The following VPS53 variants were observed in gnomAD, a reference collection of about 807,000 sequenced individuals.
VPS53 encodes the protein vacuolar protein sorting-associated protein 53 homolog.
Under a neutral mutation model 107.0 loss-of-function variants are expected in VPS53, and 70 were observed. That is an observed-to-expected ratio of 0.65 (90% confidence interval 0.54 to 0.80). VPS53 has a LOEUF of 0.80. Ranked by LOEUF, VPS53 falls within the 30% of genes least tolerant of loss-of-function variation. The pLI, the probability that VPS53 is intolerant of heterozygous loss-of-function variation, is 0.00. For synonymous variants in VPS53, 409 were observed against 393.3 expected (o/e 1.04, Z -0.47); for missense variants, 917 against 1,049.4 (o/e 0.87, Z 1.74).
chr17:516,848 GACC>G lies in VPS53; in HGVS notation c.*2277_*2279del, dbSNP rs1340905339. The stretch of plus-strand genomic sequence containing the variant: ...TCAAGACAGCAACTTCCCTGGCTGT[GACC>G]ACCAACTGTGGAAAACAGCAGCTTG... On this transcript the variant is annotated 3_prime_UTR_variant, in exon 22 of 22. Coordinates refer to ENST00000437048, the MANE Select transcript of VPS53 (RefSeq NM_001128159.3). 1 of 152,284 alleles carries G rather than the reference GACC, an allele frequency of 6.6e-6. No individual in the cohort carries two copies. The highest frequency in any genetic ancestry group is 6.5e-5 in the Admixed American group (1 of 15,288). 9.4% of individuals were successfully genotyped at this position (152,284 alleles called of 1,614,324 possible). A position where few individuals can be genotyped will look rare whatever the true frequency, so the allele number is the denominator to read the frequency against.
intron 4 of VPS53, among the ~76,000 whole-genome samples, chr17:690,440 C>T (rs754713778): frequency 3.9e-5 from 6 of 152,196 alleles, no homozygotes; most frequent in Non-Finnish European, 8.8e-5. Flanking sequence ...TCCGGATTTC[C>T]GGCTGCTCTT....
intron 12 of VPS53, among the ~76,000 whole-genome samples, chr17:589,108 T>C (rs1967497338): frequency 6.6e-6 from 1 of 151,900 alleles, no homozygotes; most frequent in Non-Finnish European, 1.5e-5. Flanking sequence ...TTTCTTCTTT[T>C]GAAGAAAATA....
Position 627,304 on chromosome 17 carries a change from C to A in VPS53, c.844G>T (p.Asp282Tyr). The A allele has an allele frequency of 6.2e-7, 1 of 1,613,332 alleles. No homozygotes were observed. Among genetic ancestry groups the A allele is most frequent in the Non-Finnish European group, 8.5e-7 (1 of 1,179,722 alleles). Residue 282 changes from aspartate to tyrosine, a missense_variant, in exon 10 of 22, where the codon GAC becomes TAC. By Grantham distance (160) the Asp-to-Tyr change is radical. Coordinates refer to ENST00000437048, the MANE Select transcript of VPS53 (RefSeq NM_001128159.3). ...CAGGCATAGCGTCTGTCGATTTTGT[C>A]CAGCCAGGCAACCTGGTGAAGGTGG... ...FQENQDVAWL[D>Y]KIDRRYAWIK...
chr17:623,457 A>AC, intron 11 of VPS53, 76 bp downstream of exon 11: 1 of 1,528,004 alleles, frequency 6.5e-7, no homozygotes, highest in Non-Finnish European at 8.9e-7. Flanking sequence ...GGATAGAGTC[A>AC]CCATACAGTG....
intron 15 of VPS53, among the ~76,000 whole-genome samples, chr17:556,595 T>C (rs1912378310): frequency 6.6e-6 from 1 of 152,182 alleles, no homozygotes; most frequent in South Asian, 2.1e-4. Context: ...GCCACAGTGT[T>C]GAGAGGTATG....
In VPS53 at chr17:532,842, C is replaced by A. The variant is rs376217426; in HGVS notation, c.2085G>T (p.Gln695His). Residue 695 changes from glutamine to histidine, a missense_variant and splice_region_variant, in exon 19 of 22, where the codon CAG becomes CAT. Coordinates refer to ENST00000437048, the MANE Select transcript of VPS53 (RefSeq NM_001128159.3). ...ATGCCTGATACTACGTCCATCTCAC[C>A]TGTTCTGCTCCCACCATGCTAATTG... ...CKPISMVGAE[Q>H]LLLDTHSLKM... 3 of 1,613,884 alleles carry A rather than the reference C, an allele frequency of 1.9e-6. No homozygotes were observed. The highest frequency in any genetic ancestry group is 2.5e-6 in the Non-Finnish European group (3 of 1,179,944).
intron 13 of VPS53, among the ~76,000 whole-genome samples, chr17:565,922 G>A (rs568936967): frequency 1.3e-5 from 2 of 152,284 alleles, no homozygotes; most frequent in South Asian, 2.1e-4. Flanking sequence ...AGAAATAACC[G>A]GCCGGGCGCG....
chr17:525,729 G>A (rs927176068), intron 19 of VPS53, among the ~76,000 whole-genome samples: 1 of 151,402 alleles, frequency 6.6e-6, no homozygotes, highest in African/African-American at 2.4e-5. Context: ...CAGGCGCGGT[G>A]TCTCATGCCT....
At chr17:646,123 C>T (rs1475632585) in intron 7 of VPS53, among the ~76,000 whole-genome samples, 3 of 119,898 alleles carry the variant, frequency 2.5e-5, no homozygotes, top group African/African-American at 8.6e-5. Flanking sequence ...ACACACATCT[C>T]GGTGACCGCG....
chr17:634,052 G>A (rs1011357061), intron 7 of VPS53, among the ~76,000 whole-genome samples: 1 of 152,182 alleles, frequency 6.6e-6, no homozygotes, highest in African/African-American at 2.4e-5. Flanking sequence ...GGGAAGTCCA[G>A]CCGCTAGCCA....
rs71145747 is a variant in VPS53 at position 531,773 on chromosome 17, C to CTTTTT, written c.2085+1064_2085+1068dup. Among the ~76,000 whole-genome samples, 158 of 86,674 alleles carry CTTTTT rather than the reference C, an allele frequency of 1.8e-3. 3 individuals are homozygous for CTTTTT. Among genetic ancestry groups the CTTTTT allele is most frequent in the Non-Finnish European group, 2.4e-3 (119 of 48,670 alleles). 56.9% of individuals were successfully genotyped at this position (86,674 alleles called of 152,430 possible). ...CAGCCTCCCATCACTGGGATTTATT[C>CTTTTT]TTTTTTTTTTTTTTTTTTTTTGAGA... On this transcript the variant is annotated intron_variant, in intron 19 of 21. Coordinates refer to ENST00000437048, the MANE Select transcript of VPS53 (RefSeq NM_001128159.3).
rs137927873 is a variant in VPS53, at chr17:609,722, G to A, written c.1117-7826C>T. Among the ~76,000 whole-genome samples, 58 of 152,294 alleles carry A rather than the reference G, an allele frequency of 3.8e-4. No homozygotes were observed. The East Asian group carries it at 9.7e-3, about 25-fold the overall frequency. On this transcript the variant is annotated intron_variant, in intron 11 of 21. Coordinates refer to ENST00000437048, the MANE Select transcript of VPS53 (RefSeq NM_001128159.3). ...ATTGAAAGTGCTCACAACTTGAGCC[G>A]ATAATTCCACTAGTGTCGTAAGAAA...
intron 11 of VPS53, chr17:616,744 G>A (rs902443856): frequency 6.6e-6 from 1 of 152,320 alleles, no homozygotes; most frequent in Non-Finnish European, 1.5e-5. Flanking sequence ...TTGCAAACTT[G>A]AGTAAGCTCC....
intron 13 of VPS53, among the ~76,000 whole-genome samples, chr17:572,072 G>A (rs1352796218): frequency 3.4e-5 from 5 of 148,606 alleles, no homozygotes; most frequent in East Asian, 2.0e-4. Flanking sequence ...GTCTCTGCCC[G>A]GCCCCCATCC....
chr17:598,021 A>T (rs1290967258), intron 12 of VPS53, among the ~76,000 whole-genome samples: 1 of 54,906 alleles, frequency 1.8e-5, no homozygotes, highest in Non-Finnish European at 4.0e-5. Flanking sequence ...TCTCATGCTG[A>T]GCCGAAGCTG....
At chr17:680,139 C>T (rs1164026522) in intron 4 of VPS53, among the ~76,000 whole-genome samples, 2 of 152,146 alleles carry the variant, frequency 1.3e-5, no homozygotes, top group South Asian at 2.1e-4. Flanking sequence ...ACTACAAATA[C>T]AAAAATTAGC....
chr17:520,666 C>G lies in VPS53; in HGVS notation c.2224-736G>C, dbSNP rs1039322467. Among the ~76,000 whole-genome samples, 2 of 152,164 alleles carry G rather than the reference C, an allele frequency of 1.3e-5. No homozygotes were observed. Among genetic ancestry groups the G allele is most frequent in the African/African-American group, 4.8e-5 (2 of 41,422 alleles). On this transcript the variant is annotated intron_variant, in intron 20 of 21. Transcript: ENST00000437048. The surrounding 1 kb of genome is among the most constrained non-coding windows in gnomAD (Gnocchi z 4.4). ...TTCCTGAGACTGAAGGGAAGAGTGG[C>G]GAGGAGGAGTTCACTCAGGCATCCT...
intron 4 of VPS53, among the ~76,000 whole-genome samples, chr17:665,094 G>A (rs1002722333): frequency 3.3e-5 from 5 of 152,134 alleles, no homozygotes; most frequent in South Asian, 2.1e-4. Context: ...TTGGCAGGTG[G>A]GGCCTTTACG....
intron 13 of VPS53, among the ~76,000 whole-genome samples, chr17:566,219 A>AG (rs1217652963): frequency 1.7e-4 from 26 of 151,778 alleles, no homozygotes; most frequent in African/African-American, 6.0e-4. Flanking sequence ...AAAAAAAAAA[A>AG]AAAGAAAGAA....
Sources: allele counts gnomAD v4.1 joint callset (sites outside exome capture counted in the v4.1 genomes callset), GRCh38; gene constraint gnomAD v4.1.1; non-coding constraint Gnocchi (gnomAD v3.1); transcripts MANE v1.5; gene names NCBI Gene and HGNC (gene_info 2026-07-23, HGNC 2026-07-21).